The following ANKS1A variants were observed in gnomAD, a reference collection of about 807,000 sequenced individuals.
The protein encoded by ANKS1A is ankyrin repeat and SAM domain-containing protein 1A.
In ANKS1A, 55 loss-of-function variants were observed where a neutral mutation model predicts 120.3. That is an observed-to-expected ratio of 0.46 (90% CI 0.37 to 0.57). The LOEUF (loss-of-function observed/expected upper bound fraction) is 0.57. Ranked by LOEUF, ANKS1A falls within the 20% of genes least tolerant of loss-of-function variation. The pLI is 0.00. For missense variants in ANKS1A, 1,123 were observed against 1,480.3 expected, an observed-to-expected ratio of 0.76 and a Z score of 3.96; for synonymous variants, 590 against 604.7, an observed-to-expected ratio of 0.98 and a Z score of 0.36.
At chr6:34,957,812 G>A (rs1770445818) in intron 1 of ANKS1A, among the ~76,000 whole-genome samples, 1 of 152,148 alleles carries the variant, frequency 6.6e-6, no homozygotes, top group African/African-American at 2.4e-5. Context: ...GAAACTGGAA[G>A]GAACATGCAC....
Position 35,087,062 on chromosome 6 carries a change from T to A in ANKS1A, c.3401+13T>A. 1 of 1,613,074 alleles carries A rather than the reference T, an allele frequency of 6.2e-7. No individual in the cohort carries two copies. Among genetic ancestry groups the A allele is most frequent in the Non-Finnish European group, 8.5e-7 (1 of 1,179,114 alleles). On this transcript the variant is annotated intron_variant, in intron 23 of 23. Coordinates refer to ENST00000360359, the MANE Select transcript of ANKS1A (RefSeq NM_015245.3). ...GCCTCAGCACCAAGTATGAGACCAC[T>A]ATCTTCTAAAACAACCCACTCCCTG... is the stretch of plus-strand genomic sequence containing the variant.
rs1300191393 is a variant in ANKS1A at position 34,982,054 on chromosome 6, C to T, written c.732+68C>T. 4 of 1,562,968 alleles carry T rather than the reference C, an allele frequency of 2.6e-6. No homozygotes were observed. In the African/African-American group the frequency reaches 4.1e-5, roughly 16 times the overall value. ...GTCATTTTGCAGAAGGCACAAGGAC[C>T]ATGCTGCTGGGCTGTGCTCTTTATT... On this transcript the variant is annotated intron_variant, in intron 4 of 23. Coordinates refer to ENST00000360359, the MANE Select transcript of ANKS1A (RefSeq NM_015245.3). This position sits in a 1 kb window ranked among gnomAD's most constrained non-coding sequence, Gnocchi z 4.9.
rs757746429 is a variant in ANKS1A, at chr6:35,043,711, A to G, written c.2011-10388A>G. 9.2e-5 allele frequency among the ~76,000 whole-genome samples: 14 copies of G among 152,222 alleles called. 1 individual carries two copies. Among genetic ancestry groups the G allele is most frequent in the South Asian group, 4.1e-4 (2 of 4,832 alleles). ...AAAAGAATCAAACAATTTAACCCCA[A>G]TGGATAGATGTGCACCCTTTTGATG... is the stretch of plus-strand genomic sequence containing the variant. On this transcript the variant is annotated intron_variant, in intron 11 of 23. Coordinates refer to ENST00000360359, the MANE Select transcript of ANKS1A (RefSeq NM_015245.3).
intron 11 of ANKS1A, among the ~76,000 whole-genome samples, chr6:35,041,053 C>T (rs968621560): frequency 3.9e-5 from 6 of 152,160 alleles, no homozygotes; most frequent in Admixed American, 6.5e-5. Flanking sequence ...GAGAGGTTTG[C>T]GGAAAATAGC....
intron 1 of ANKS1A, among the ~76,000 whole-genome samples, chr6:34,890,470 G>C (rs1042081859): frequency 6.6e-6 from 1 of 152,208 alleles, no homozygotes; most frequent in African/African-American, 2.4e-5. Flanking sequence ...TGTGCTTGAA[G>C]TTCAAATTGT....
chr6:35,016,558 C>T (rs183969441), intron 10 of ANKS1A, among the ~76,000 whole-genome samples: 7 of 152,104 alleles, frequency 4.6e-5, no homozygotes, highest in African/African-American at 9.6e-5. Context: ...TACTTCAGGG[C>T]GAGGTATTTG....
intron 11 of ANKS1A, among the ~76,000 whole-genome samples, chr6:35,034,911 A>G (rs768244785): frequency 6.6e-6 from 1 of 152,238 alleles, no homozygotes; most frequent in Non-Finnish European, 1.5e-5. Flanking sequence ...GCCAAAACCC[A>G]GATGCAAAAA....
chr6:35,063,682 C>T (rs1048872097), intron 13 of ANKS1A, among the ~76,000 whole-genome samples: 4 of 152,200 alleles, frequency 2.6e-5, no homozygotes, highest in Non-Finnish European at 5.9e-5. Context: ...TCATTTTCCT[C>T]TTTGGAGTGT....
chr6:35,057,071 C>G lies in ANKS1A; in HGVS notation c.2077+2906C>G, dbSNP rs893056073. ...GAGGAGGAGCAGGCCCTCCAGCAGG[C>G]AGCCCTGCACCAAGTGTGGGATTGC... On this transcript the variant is annotated intron_variant, in intron 12 of 23. Coordinates refer to ENST00000360359, the MANE Select transcript of ANKS1A (RefSeq NM_015245.3). The surrounding 1 kb of genome is among the most constrained non-coding windows in gnomAD (Gnocchi z 4.1). 2.0e-5 allele frequency among the ~76,000 whole-genome samples: 3 copies of G among 152,066 alleles called. No homozygotes were observed. Among genetic ancestry groups the G allele is most frequent in the African/African-American group, 7.2e-5 (3 of 41,412 alleles).
chr6:34,910,492 T>C (rs1395506668), intron 1 of ANKS1A, among the ~76,000 whole-genome samples: 1 of 151,950 alleles, frequency 6.6e-6, no homozygotes, highest in Non-Finnish European at 1.5e-5. Flanking sequence ...GCCTCGGAGG[T>C]GGAGGCTGCA....
chr6:35,023,390 G>A (rs1057515241), intron 11 of ANKS1A: 1 of 185,104 alleles, frequency 5.4e-6, no homozygotes, highest in Admixed American at 6.3e-5. Flanking sequence ...CAGTAAACAT[G>A]ACTCTAGCAT....
chr6:34,978,880 C>G (rs1305810120), intron 3 of ANKS1A, among the ~76,000 whole-genome samples: 5 of 150,826 alleles, frequency 3.3e-5, no homozygotes, highest in Non-Finnish European at 7.4e-5. Flanking sequence ...TGAGATTGGA[C>G]CTCCTACTAG....
intron 20 of ANKS1A, among the ~76,000 whole-genome samples, 194 bp from the exon 21 acceptor site, chr6:35,083,927 G>A (rs550168373): frequency 6.6e-6 from 1 of 152,256 alleles, no homozygotes; most frequent in South Asian, 2.1e-4. Flanking sequence ...TAGTTGTTGT[G>A]GTAAGGGGTG....
intron 1 of ANKS1A, among the ~76,000 whole-genome samples, chr6:34,924,090 CGTGT>C (rs71794086): frequency 0.23 from 32,717 of 143,062 alleles, 3,772 homozygotes; most frequent in African/African-American, 0.27. Flanking sequence ...GGGGCTTTTT[CGTGT>C]GTGTGTGTGT....
chr6:35,021,975 G>A (rs1266358161), intron 11 of ANKS1A, among the ~76,000 whole-genome samples: 2 of 147,778 alleles, frequency 1.4e-5, no homozygotes, highest in African/African-American at 5.1e-5. Flanking sequence ...GACACAGTGA[G>A]ACTCTGTCTA....
rs144474812 is a variant in ANKS1A, at chr6:35,081,136, G to A, written c.2687G>A (p.Arg896Gln). 141 of 1,611,828 alleles carry A rather than the reference G, an allele frequency of 8.7e-5. No homozygotes were observed. The African/African-American group carries it at 1.1e-3, about 12-fold the overall frequency. ...CTCCATGACCCTGCGGCACCCTCCC[G>A]AGCGGAGCGCTTCAGGATCCAGGTG... is the stretch of plus-strand genomic sequence containing the variant. ...DSLHDPAAPS[R>Q]AERFRIQEEH... The change falls in exon 17 of 24, where the codon CGA (arginine) becomes CAA (glutamine). Residue 896 changes from arginine (R) to glutamine (Q), a missense_variant. By Grantham distance (43) the Arg-to-Gln change is conservative (BLOSUM62 1). Coordinates refer to ENST00000360359, the MANE Select transcript of ANKS1A (RefSeq NM_015245.3).
chr6:34,897,237 G>T (rs1208056523), intron 1 of ANKS1A, among the ~76,000 whole-genome samples: 1 of 152,140 alleles, frequency 6.6e-6, no homozygotes, highest in African/African-American at 2.4e-5. Flanking sequence ...GTGATCTGAA[G>T]AATTTGACTT....
At chr6:35,035,593 T>C (rs1332480958) in intron 11 of ANKS1A, among the ~76,000 whole-genome samples, 3 of 152,202 alleles carry the variant, frequency 2.0e-5, no homozygotes, top group Non-Finnish European at 4.4e-5. Context: ...TCCACCCTCA[T>C]GTCACATTGA....
chr6:35,059,151 A>G (rs1351917443), intron 12 of ANKS1A, among the ~76,000 whole-genome samples: 3 of 152,226 alleles, frequency 2.0e-5, no homozygotes, highest in African/African-American at 7.2e-5. Flanking sequence ...TCACTGGAAC[A>G]GCTGTTATCA....
Sources: allele counts gnomAD v4.1 joint callset (sites outside exome capture counted in the v4.1 genomes callset), GRCh38; gene constraint gnomAD v4.1.1; non-coding constraint Gnocchi (gnomAD v3.1); transcripts MANE v1.5; gene names NCBI Gene and HGNC (gene_info 2026-07-23, HGNC 2026-07-21).